Variants in MMEL1 observed in about 807,000 individuals in gnomAD.
MMEL1 encodes the protein membrane metallo-endopeptidase-like 1.
A neutral mutation model predicts 117.1 loss-of-function variants in MMEL1; 98 were observed. That is an observed-to-expected ratio of 0.84 (90% CI 0.71 to 0.99). MMEL1 has a LOEUF of 0.99. Ranked by LOEUF, MMEL1 falls within the 50% of genes least tolerant of loss-of-function variation. MMEL1 has a pLI of 0.00. For missense variants in MMEL1, 1,014 were observed against 1,049.1 expected, an observed-to-expected ratio of 0.97 and a Z score of 0.46; for synonymous variants, 390 against 415.1, an observed-to-expected ratio of 0.94 and a Z score of 0.74.
At chr1:2,603,412 G>A (rs1016450943) in intron 11 of MMEL1, among the ~76,000 whole-genome samples, 1 of 152,178 alleles carries the variant, frequency 6.6e-6, no homozygotes, top group African/African-American at 2.4e-5. Flanking sequence ...CCACCTCAAA[G>A]CACAGGGCGG....
rs370109876 is a variant in MMEL1 at position 2,603,960 on chromosome 1, T to C, written c.965A>G (p.Gln322Arg). Residue 322 changes from glutamine (Q) to arginine (R), a missense_variant, in exon 11 of 24, where the codon CAG becomes CGG. By Grantham distance (43) the Gln-to-Arg change is conservative. Coordinates refer to ENST00000378412, the MANE Select transcript of MMEL1 (RefSeq NM_033467.4). ...GGCGATGACGTCGTGTCTCTCCTCC[T>C]GGGGTACCGTGGCCTGTGCCGGGGA... ...ETQLAKATVP[Q>R]EERHDVIALY... The C allele has an allele frequency of 2.5e-6, 4 of 1,613,624 alleles. No homozygotes were observed. In the African/African-American group the frequency reaches 5.3e-5, roughly 22 times the overall value.
Position 2,591,572 on chromosome 1 carries a change from C to T in MMEL1, c.2225G>A (p.Ser742Asn), listed in dbSNP as rs780957218. Residue 742 changes from serine (S) to asparagine (N), a missense_variant, in exon 23 of 24, where the codon AGT (serine) becomes AAT (asparagine). Physicochemically the swap from Ser to Asn is conservative, Grantham distance 46. Coordinates refer to ENST00000378412, the MANE Select transcript of MMEL1 (RefSeq NM_033467.4). ...GGAGACTTGCCTGTACTTCAGGGGA[C>T]TGTGGACGTCTGTCTTGATGGATTG... Reference protein sequence around the residue: ...AIQSIKTDVHSPLKYRVLGSL... With the variant: ...AIQSIKTDVHNPLKYRVLGSL... 1.2e-6 allele frequency: 2 copies of T among 1,613,406 alleles called. No homozygotes were observed. The highest frequency in any genetic ancestry group is 1.7e-6 in the Non-Finnish European group (2 of 1,179,852).
chr1:2,631,778 C>T (rs565152909), intron 1 of MMEL1, among the ~76,000 whole-genome samples: 3 of 152,272 alleles, frequency 2.0e-5, no homozygotes, highest in Non-Finnish European at 4.4e-5. Context: ...CCCTTGCCTG[C>T]GTCCACACCC....
intron 12 of MMEL1, 130 bp downstream of exon 12, chr1:2,598,524 C>G (rs1380114517): frequency 1.4e-6 from 2 of 1,447,296 alleles, no homozygotes; most frequent in Admixed American, 4.4e-5. Flanking sequence ...AAGCTTAACC[C>G]CTCATGTCCC....
intron 11 of MMEL1, among the ~76,000 whole-genome samples, chr1:2,602,111 G>C (rs188908014): frequency 1.8e-5 from 1 of 55,418 alleles, no homozygotes; most frequent in Non-Finnish European, 3.2e-5. Context: ...CCGAGTTGTC[G>C]CATGTTCTTA....
chr1:2,618,849 A>G (rs1344259837), intron 2 of MMEL1, among the ~76,000 whole-genome samples: 1 of 152,110 alleles, frequency 6.6e-6, no homozygotes, highest in African/African-American at 2.4e-5. Flanking sequence ...CAAAACCAGA[A>G]CCCCAAAGAT....
chr1:2,601,213 C>T (rs185403051), intron 11 of MMEL1, among the ~76,000 whole-genome samples: 1 of 152,190 alleles, frequency 6.6e-6, no homozygotes, highest in Admixed American at 6.5e-5. Flanking sequence ...CATTATAAAG[C>T]TGAAGGAGTG....
intron 17 of MMEL1, 121 bp downstream of exon 17, chr1:2,594,669 C>G: frequency 1.1e-6 from 1 of 943,432 alleles, no homozygotes; most frequent in Non-Finnish European, 1.7e-6. Context: ...GTGACTGCAC[C>G]CCTCAGCTGG....
Position 2,596,567 on chromosome 1 carries a change from C to G in MMEL1, c.1395G>C (p.Lys465Asn). 2 of 1,610,334 alleles carry G rather than the reference C, an allele frequency of 1.2e-6. No homozygotes were observed. The highest frequency in any genetic ancestry group is 1.7e-6 in the Non-Finnish European group (2 of 1,179,744). ...YVREAFPGDS[K>N]SMVRELIDKV... The stretch of plus-strand genomic sequence containing the variant: ...ATGGATGAGGGGCGCCCACCATGCT[C>G]TTGCTGTCTCCAGGGAACGCCTCCC... The change falls in exon 14 of 24, where the codon AAG (lysine) becomes AAC (asparagine). Residue 465 changes from lysine to asparagine, a missense_variant. Coordinates refer to ENST00000378412, the MANE Select transcript of MMEL1 (RefSeq NM_033467.4).
In MMEL1 at chr1:2,594,838, C is replaced by T; in HGVS notation, c.1640G>A (p.Gly547Asp). 6.2e-7 allele frequency: 1 copy of T among 1,613,968 alleles called. No individual in the cohort carries two copies. Among genetic ancestry groups the T allele is most frequent in the Non-Finnish European group, 8.5e-7 (1 of 1,179,980 alleles). Reference sequence around the variant, plus strand: ...AAGCTTCCTGAGGCTCCGCTGGGCGCCCACCTTGAGGTTCTGCAGACTGTT... The same window carrying T: ...AAGCTTCCTGAGGCTCCGCTGGGCGTCCACCTTGAGGTTCTGCAGACTGTT... ...FENSLQNLKV[G>D]AQRSLRKLRE... is the part of the protein sequence containing the mutation. Residue 547 changes from glycine (G) to aspartate (D), a missense_variant, in exon 17 of 24, where the codon GGC becomes GAC. Coordinates refer to ENST00000378412, the MANE Select transcript of MMEL1 (RefSeq NM_033467.4).
At position 2,600,953 on chromosome 1, in the gene MMEL1, T is replaced by C. The variant is rs369791735; in HGVS notation, c.1042-2163A>G. ...AAGCTTTAAAAGTTATTAAGAAAAA[T>C]TGAAGCATAAATGGAAGCATATATC... On this transcript the variant is annotated intron_variant, in intron 11 of 23. Coordinates refer to ENST00000378412, the MANE Select transcript of MMEL1 (RefSeq NM_033467.4). Among the ~76,000 whole-genome samples the C allele has an allele frequency of 2.9e-4, 44 of 152,230 alleles. No homozygotes were observed. In the South Asian group the frequency reaches 8.5e-3, roughly 29 times the overall value.
At chr1:2,610,072 A>G (rs1247621887) in intron 4 of MMEL1, among the ~76,000 whole-genome samples, 1 of 152,060 alleles carries the variant, frequency 6.6e-6, no homozygotes, top group Non-Finnish European at 1.5e-5. Flanking sequence ...ACAGGGTCTC[A>G]CTCTGTTGCC....
rs759846489 is a variant in MMEL1 at position 2,598,276 on chromosome 1, C to T, written c.1203G>A (p.Trp401Ter). 2 of 1,613,958 alleles carry T rather than the reference C, an allele frequency of 1.2e-6. No individual in the cohort carries two copies. The highest frequency in any genetic ancestry group is 2.7e-5 in the African/African-American group (2 of 74,916). The change falls in exon 13 of 24, where the codon TGG (tryptophan) becomes TGA (stop). Residue 401 changes from tryptophan to a stop codon, truncating the protein, a stop_gained. Coordinates refer to ENST00000378412, the MANE Select transcript of MMEL1 (RefSeq NM_033467.4). LOFTEE classifies it high-confidence loss of function. ...SARTIQNYLV[W>*]RLVLDRIGSL... is the part of the protein sequence containing the mutation. ...TACCAATGCGGTCCAGCACCAGGCGCCAGACCAGGTAGTTCTGTATGGTCC... is the reference window on the plus strand; with the variant it reads ...TACCAATGCGGTCCAGCACCAGGCGTCAGACCAGGTAGTTCTGTATGGTCC...
chr1:2,611,736 C>G (rs920011278), intron 3 of MMEL1, among the ~76,000 whole-genome samples: 3 of 152,174 alleles, frequency 2.0e-5, no homozygotes, highest in Non-Finnish European at 4.4e-5. Flanking sequence ...TGCCCCAGGC[C>G]CCAAGGGCTG....
chr1:2,598,827 G>C, intron 11 of MMEL1, 37 bp from the exon 12 acceptor site: 3 of 1,567,144 alleles, frequency 1.9e-6, no homozygotes, highest in Non-Finnish European at 2.6e-6. Flanking sequence ...GAGGGAGAGA[G>C]AGAGAGGGAG....
At position 2,593,798 on chromosome 1, in the gene MMEL1, A is replaced by C; in HGVS notation, c.1867+16T>G. The C allele has an allele frequency of 1.9e-6, 3 of 1,585,206 alleles. No homozygotes were observed. The highest frequency in any genetic ancestry group is 2.6e-6 in the Non-Finnish European group (3 of 1,162,986). On this transcript the variant is annotated intron_variant, in intron 19 of 23. Transcript: ENST00000378412. ...GAGAGGGGAGGGCGTGTGTGATTGG[A>C]GGGGCGGCCGCTCACCATTGTCGTC...
Position 2,629,321 on chromosome 1 carries a change from C to T in MMEL1, c.154+10G>A, listed in dbSNP as rs1271422933. 5 of 1,526,680 alleles carry T rather than the reference C, an allele frequency of 3.3e-6. No homozygotes were observed. The highest frequency in any genetic ancestry group is 2.5e-5 in the East Asian group (1 of 39,738). The allele number at this position is 1,526,680 out of a possible 1,614,324, so 94.6% of individuals were successfully genotyped here. A position where few individuals can be genotyped will look rare whatever the true frequency, so the allele number is the denominator to read the frequency against. On this transcript the variant is annotated intron_variant, in intron 2 of 23. Transcript: ENST00000378412. ...ACGGGGACAGGCGGGGGCGGGGCAC[C>T]CGCACTCACCTCTGCGGTCGGCGTA...
At chr1:2,599,974 A>T (rs1373574345) in intron 11 of MMEL1, among the ~76,000 whole-genome samples, 2 of 151,158 alleles carry the variant, frequency 1.3e-5, no homozygotes, top group Non-Finnish European at 1.5e-5. Flanking sequence ...ACTTTTTTTT[A>T]AATTTATTTT....
chr1:2,617,169 T>C (rs1349357313), intron 2 of MMEL1, among the ~76,000 whole-genome samples: 2 of 152,096 alleles, frequency 1.3e-5, no homozygotes, highest in African/African-American at 4.8e-5. Flanking sequence ...GGCTCACGCC[T>C]GTAATCCCAG....
Sources: gnomAD v4.1 joint callset for allele counts (sites outside exome capture counted in the v4.1 genomes callset) on GRCh38, gnomAD v4.1.1 for gene constraint, MANE v1.5 for transcripts, NCBI Gene and HGNC (gene_info 2026-07-23, HGNC 2026-07-21) for gene names.